Variants in MTMR7 observed in about 807,000 individuals in gnomAD.
MTMR7 encodes myotubularin related protein 7.
A neutral mutation model predicts 81.2 loss-of-function variants in MTMR7; 76 were observed. That is an observed-to-expected ratio of 0.94 (90% CI 0.78 to 1.13). The LOEUF is 1.13. Ranked by LOEUF, MTMR7 falls within the 50% of genes most tolerant of loss-of-function variation. The pLI, the probability that MTMR7 is intolerant of heterozygous loss-of-function variation, is 0.00. For missense variants in MTMR7, 1,044 were observed against 820.0 expected, an observed-to-expected ratio of 1.27 and a Z score of -3.34; for synonymous variants, 372 against 289.8, an observed-to-expected ratio of 1.28 and a Z score of -2.88.
chr8:17,317,870 A>G (rs1818177683), intron 7 of MTMR7, among the ~76,000 whole-genome samples: 2 of 151,888 alleles, frequency 1.3e-5, no homozygotes, highest in South Asian at 2.1e-4. Context: ...TTTTGTTTCC[A>G]TGACCTCCTC....
chr8:17,324,639 T>C (rs1818578282), intron 7 of MTMR7, among the ~76,000 whole-genome samples: 1 of 152,214 alleles, frequency 6.6e-6, no homozygotes, highest in South Asian at 2.1e-4. Flanking sequence ...AATGACCATG[T>C]CGATAGCCAG....
intron 1 of MTMR7, among the ~76,000 whole-genome samples, chr8:17,401,613 G>A (rs1821431416): frequency 6.6e-6 from 1 of 152,128 alleles, no homozygotes; most frequent in South Asian, 2.1e-4. Flanking sequence ...TTCAGAACAG[G>A]GTGGTAGGAA....
At position 17,296,898 on chromosome 8, in the gene MTMR7, G is replaced by C. The variant is rs1005058873; in HGVS notation, c.*2964C>G. 4 of 152,132 alleles carry C rather than the reference G, an allele frequency of 2.6e-5. No homozygotes were observed. Among genetic ancestry groups the C allele is most frequent in the Non-Finnish European group, 4.4e-5 (3 of 68,010 alleles). The allele number at this position is 152,132 out of a possible 1,614,324, so 9.4% of individuals were successfully genotyped here. A position where few individuals can be genotyped will look rare whatever the true frequency, so the allele number is the denominator to read the frequency against. ...TACAACCCAGTCATGAAACAGAGCA[G>C]TGTGATCAGTTATCTGCATTTAACA... On this transcript the variant is annotated 3_prime_UTR_variant, in exon 14 of 14. Coordinates refer to ENST00000180173, the MANE Select transcript of MTMR7 (RefSeq NM_004686.5).
chr8:17,390,349 C>G (rs537488415), intron 1 of MTMR7, among the ~76,000 whole-genome samples: 1 of 152,096 alleles, frequency 6.6e-6, no homozygotes, highest in East Asian at 1.9e-4. Context: ...ACAACCAGAT[C>G]TCAAAAGAAC....
intron 12 of MTMR7, among the ~76,000 whole-genome samples, chr8:17,302,787 CT>C (rs1817213911): frequency 1.4e-5 from 2 of 138,168 alleles, no homozygotes; most frequent in Non-Finnish European, 3.1e-5. Flanking sequence ...ATATCGGCTC[CT>C]TGCAACCTCC....
intron 1 of MTMR7, among the ~76,000 whole-genome samples, chr8:17,400,113 T>C (rs1381644294): frequency 1.3e-5 from 2 of 151,220 alleles, no homozygotes; most frequent in Middle Eastern, 3.4e-3. Context: ...CATCAATTTA[T>C]GTTTATTTGT....
intron 3 of MTMR7, among the ~76,000 whole-genome samples, chr8:17,369,847 G>A (rs372236378): frequency 1.1e-4 from 16 of 151,508 alleles, no homozygotes; most frequent in Non-Finnish European, 1.5e-4. Flanking sequence ...GGGTTTCGCC[G>A]TCTTAGCCAG....
intron 10 of MTMR7, among the ~76,000 whole-genome samples, chr8:17,306,911 G>A (rs1049870531): frequency 3.3e-5 from 4 of 121,738 alleles, no homozygotes; most frequent in East Asian, 2.6e-4. Flanking sequence ...AGACTTAAAC[G>A]TTAGACCTAA....
intron 3 of MTMR7, among the ~76,000 whole-genome samples, chr8:17,361,851 A>T (rs900328878): frequency 4.6e-5 from 7 of 152,242 alleles, no homozygotes; most frequent in African/African-American, 1.7e-4. Flanking sequence ...CATTTGCATA[A>T]GATTCATAAA....
intron 5 of MTMR7, among the ~76,000 whole-genome samples, chr8:17,342,934 T>C (rs1819446131): frequency 6.6e-6 from 1 of 151,474 alleles, no homozygotes. Context: ...GAAGTGAAGA[T>C]GGGGATCAAG....
chr8:17,339,557 C>T (rs1819348067), intron 6 of MTMR7, among the ~76,000 whole-genome samples: 1 of 152,176 alleles, frequency 6.6e-6, no homozygotes, highest in Non-Finnish European at 1.5e-5. Context: ...TTCAAGGTTC[C>T]TCCATGTTGC....
rs1178491822 is a variant in MTMR7, at chr8:17,373,112, G to C, written c.147+6C>G. 4 of 1,612,224 alleles carry C rather than the reference G, an allele frequency of 2.5e-6. No individual in the cohort carries two copies. The highest frequency in any genetic ancestry group is 2.5e-6 in the Non-Finnish European group (3 of 1,179,390). ...ACAAGGAAAGCTAAAAATAAAGAAA[G>C]CATACCCATGTTTCTTTTCTTGGGT... On this transcript the variant is annotated splice_donor_region_variant and intron_variant, in intron 2 of 13. Transcript: ENST00000180173.
chr8:17,307,542 A>G (rs1817534025), intron 10 of MTMR7, among the ~76,000 whole-genome samples: 1 of 152,208 alleles, frequency 6.6e-6, no homozygotes, highest in African/African-American at 2.4e-5. Flanking sequence ...CTGGGTATAT[A>G]CCCAAAGGAT....
At chr8:17,330,001 T>A (rs923257988) in intron 7 of MTMR7, among the ~76,000 whole-genome samples, 45 of 152,276 alleles carry the variant, frequency 3.0e-4, no homozygotes, top group African/African-American at 1.1e-3. Flanking sequence ...GGAAGACCCA[T>A]AGAAAGTATT....
intron 10 of MTMR7, among the ~76,000 whole-genome samples, chr8:17,307,780 G>T (rs1156244938): frequency 6.6e-6 from 1 of 151,468 alleles, no homozygotes; most frequent in Non-Finnish European, 1.5e-5. Flanking sequence ...GCAAACTATC[G>T]CAAGGACAAA....
At chr8:17,392,439 C>T (rs1351026090) in intron 1 of MTMR7, among the ~76,000 whole-genome samples, 1 of 152,180 alleles carries the variant, frequency 6.6e-6, no homozygotes, top group African/African-American at 2.4e-5. Flanking sequence ...CTTAAAATTG[C>T]ATCCCTTTTT....
chr8:17,371,851 GTTT>G (rs33920646), intron 2 of MTMR7, among the ~76,000 whole-genome samples: 31 of 104,820 alleles, frequency 3.0e-4, no homozygotes, highest in South Asian at 5.6e-4. Flanking sequence ...CTTACCTATA[GTTT>G]TTTTTTTTTT....
intron 1 of MTMR7, 66 bp from the exon 2 acceptor site, chr8:17,373,306 T>C (rs1365538569): frequency 1.3e-6 from 2 of 1,540,492 alleles, no homozygotes; most frequent in East Asian, 2.3e-5. Flanking sequence ...AAATAAATGA[T>C]AACAGGGTAA....
chr8:17,354,477 C>T (rs1819825778), intron 4 of MTMR7, among the ~76,000 whole-genome samples: 1 of 152,172 alleles, frequency 6.6e-6, no homozygotes, highest in South Asian at 2.1e-4. Flanking sequence ...GAGACTTAGA[C>T]TACCATAAGC....
Sources: gnomAD v4.1 joint callset for allele counts (sites outside exome capture counted in the v4.1 genomes callset) on GRCh38, gnomAD v4.1.1 for gene constraint, MANE v1.5 for transcripts, NCBI Gene and HGNC (gene_info 2026-07-23, HGNC 2026-07-21) for gene names.